The following DDI2 variants were observed in gnomAD, a reference collection of about 807,000 sequenced individuals.
DDI2 encodes DDI proteasomal shuttling factor 2, also known as protein DDI1 homolog 2.
In DDI2, 5 loss-of-function variants were observed where a neutral mutation model predicts 48.1. That is an observed-to-expected ratio of 0.10 (90% confidence interval 0.05 to 0.22). DDI2 has a LOEUF of 0.22. DDI2 is among the 10% of genes least tolerant of loss of function. The pLI, the probability that DDI2 is intolerant of heterozygous loss-of-function variation, is 1.00. For missense variants in DDI2, 285 were observed against 506.2 expected (o/e 0.56, Z 4.19); for synonymous variants, 205 against 183.6 (o/e 1.12, Z -0.94).
At chr1:15,641,076 G>C (rs1400392546) in intron 5 of DDI2, among the ~76,000 whole-genome samples, 1 of 152,198 alleles carries the variant, frequency 6.6e-6, no homozygotes, top group African/African-American at 2.4e-5. Context: ...AGCCAGGATG[G>C]GGTGGGATCT....
chr1:15,639,977 C>T (rs1639981919), intron 5 of DDI2, among the ~76,000 whole-genome samples: 1 of 151,678 alleles, frequency 6.6e-6, no homozygotes, highest in Non-Finnish European at 1.5e-5. Context: ...TGTGATTGTG[C>T]CACTGTGCCC....
chr1:15,617,799 C>G lies in DDI2; in HGVS notation c.129C>G (p.Ala43=), dbSNP rs1356373053. The G allele has an allele frequency of 3.8e-6, 6 of 1,599,768 alleles. No homozygotes were observed. Among genetic ancestry groups the G allele is most frequent in the East Asian group, 2.2e-5 (1 of 44,608 alleles). Residue 43 remains alanine (A), a synonymous_variant, in exon 1 of 10, where the codon GCC becomes GCG. Transcript: ENST00000480945. ...LCELESGIPA[A]ESQIVYAERP... Reference sequence around the variant, plus strand: ...AGCTCGAGTCTGGCATCCCCGCAGCCGAGAGCCAGGTACGCCGGGCAGCGA... The same window carrying G: ...AGCTCGAGTCTGGCATCCCCGCAGCGGAGAGCCAGGTACGCCGGGCAGCGA...
At chr1:15,631,179 A>G (rs1289608777) in intron 3 of DDI2, among the ~76,000 whole-genome samples, 3 of 149,856 alleles carry the variant, frequency 2.0e-5, no homozygotes, top group Non-Finnish European at 4.5e-5. Flanking sequence ...ATCTTCAATT[A>G]AAGAGATCAT....
chr1:15,665,177 A>C lies in DDI2; in HGVS notation c.*5387A>C, dbSNP rs1640434428. ...CTCGGGAGGCTGAGGCAGGAGAATCACTTAAACCTGGGAGGCGGAGGTTGT... is the reference window on the plus strand; with the variant it reads ...CTCGGGAGGCTGAGGCAGGAGAATCCCTTAAACCTGGGAGGCGGAGGTTGT... On this transcript the variant is annotated 3_prime_UTR_variant, in exon 10 of 10. Transcript: ENST00000480945. 1 of 150,696 alleles carries C rather than the reference A, an allele frequency of 6.6e-6. No homozygotes were observed. The highest frequency in any genetic ancestry group is 6.7e-5 in the Admixed American group (1 of 14,990). 9.3% of individuals were successfully genotyped at this position (150,696 alleles called of 1,614,324 possible).
intron 9 of DDI2, among the ~76,000 whole-genome samples, chr1:15,658,332 T>C (rs1640302525): frequency 6.6e-6 from 1 of 151,852 alleles, no homozygotes; most frequent in Admixed American, 6.5e-5. Flanking sequence ...GTATTTTTAG[T>C]AGAGATGAGG....
Position 15,656,610 on chromosome 1 carries a change from C to CTG in DDI2, c.1184-7_1184-6insTG. On this transcript the variant is annotated splice_region_variant and splice_polypyrimidine_tract_variant and intron_variant, in intron 8 of 9. Transcript: ENST00000480945. ...AAGTTTGCTTGTCTGTTTCCTAATTCACACAGAGCGTCAGAAGCCATGATG... is the reference window on the plus strand; with the variant it reads ...AAGTTTGCTTGTCTGTTTCCTAATTCTGACACAGAGCGTCAGAAGCCATGATG... 1 of 1,614,166 alleles carries CTG rather than the reference C, an allele frequency of 6.2e-7. No individual in the cohort carries two copies. Among genetic ancestry groups the CTG allele is most frequent in the Non-Finnish European group, 8.5e-7 (1 of 1,180,006 alleles).
rs1279271292 is a variant in DDI2, at chr1:15,668,718, A to G, written c.*8928A>G. Reference sequence around the variant, plus strand: ...AAAAGAAGAACTAGGCTGACTGGCAAAAAGTCTTGCCAGTGGCCCTGTCAC... The same window carrying G: ...AAAAGAAGAACTAGGCTGACTGGCAGAAAGTCTTGCCAGTGGCCCTGTCAC... On this transcript the variant is annotated 3_prime_UTR_variant, in exon 10 of 10. Coordinates refer to ENST00000480945, the MANE Select transcript of DDI2 (RefSeq NM_032341.5). 1 of 152,220 alleles carries G rather than the reference A, an allele frequency of 6.6e-6. No individual in the cohort carries two copies. The highest frequency in any genetic ancestry group is 1.5e-5 in the Non-Finnish European group (1 of 68,046). 9.4% of individuals were successfully genotyped at this position (152,220 alleles called of 1,614,324 possible).
chr1:15,645,072 T>C (rs1157554079), intron 6 of DDI2, among the ~76,000 whole-genome samples: 1 of 152,154 alleles, frequency 6.6e-6, no homozygotes, highest in African/African-American at 2.4e-5. Context: ...GTATTCTTAG[T>C]AGAGACGAGG....
chr1:15,664,865 C>T lies in DDI2; in HGVS notation c.*5075C>T, dbSNP rs954521386. 6.6e-6 allele frequency: 1 copy of T among 152,194 alleles called. No individual in the cohort carries two copies. Among genetic ancestry groups the T allele is most frequent in the East Asian group, 1.9e-4 (1 of 5,204 alleles). 9.4% of individuals were successfully genotyped at this position (152,194 alleles called of 1,614,324 possible). On this transcript the variant is annotated 3_prime_UTR_variant, in exon 10 of 10. Transcript: ENST00000480945. ...CTTTACATAGGTTATAGATTTTGCT[C>T]ATTGATGCTGTTAAGAATTATTTCC...
chr1:15,654,375 G>C (rs1307227504), intron 8 of DDI2, among the ~76,000 whole-genome samples: 1 of 152,124 alleles, frequency 6.6e-6, no homozygotes, highest in Admixed American at 6.6e-5. Flanking sequence ...GTTTGAGTCA[G>C]GGCGTGGTGG....
At chr1:15,659,647 C>G (rs1640328751) in intron 9 of DDI2, among the ~76,000 whole-genome samples, 190 bp from the exon 10 acceptor site, 1 of 152,172 alleles carries the variant, frequency 6.6e-6, no homozygotes, top group Non-Finnish European at 1.5e-5. Flanking sequence ...ATGTCTACCT[C>G]TTATTCTGAT....
At position 15,661,253 on chromosome 1, in the gene DDI2, A is replaced by C. The variant is rs200264420; in HGVS notation, c.*1463A>C. On this transcript the variant is annotated 3_prime_UTR_variant, in exon 10 of 10. Transcript: ENST00000480945. ...TCAACCGATAAGGAAGGTGTCCCCA[A>C]ATCTAGGGAATCCATAAATAAGAAC... 1.1e-5 allele frequency: 17 copies of C among 1,614,070 alleles called. No individual in the cohort carries two copies. Among genetic ancestry groups the C allele is most frequent in the Admixed American group, 1.7e-5 (1 of 60,004 alleles).
intron 1 of DDI2, among the ~76,000 whole-genome samples, chr1:15,622,967 C>A (rs552809247): frequency 6.6e-6 from 1 of 152,122 alleles, no homozygotes; most frequent in African/African-American, 2.4e-5. Flanking sequence ...AGGAAATTGG[C>A]GCTGAAGCAA....
Position 15,667,479 on chromosome 1 carries a change from C to CA in DDI2, c.*7689_*7690insA, listed in dbSNP as rs1165406491. 6 of 152,196 alleles carry CA rather than the reference C, an allele frequency of 3.9e-5. No homozygotes were observed. Among genetic ancestry groups the CA allele is most frequent in the African/African-American group, 1.4e-4 (6 of 41,432 alleles). 9.4% of individuals were successfully genotyped at this position (152,196 alleles called of 1,614,324 possible). Reference sequence around the variant, plus strand: ...ACATCCCTTTGTGAGCACGGCTGCTCCGGAATACTGACCATCTGGGCTAGC... The same window carrying CA: ...ACATCCCTTTGTGAGCACGGCTGCTCACGGAATACTGACCATCTGGGCTAGC... On this transcript the variant is annotated 3_prime_UTR_variant, in exon 10 of 10. Coordinates refer to ENST00000480945, the MANE Select transcript of DDI2 (RefSeq NM_032341.5).
At chr1:15,643,949 A>G (rs555314132) in intron 6 of DDI2, among the ~76,000 whole-genome samples, 1 of 152,086 alleles carries the variant, frequency 6.6e-6, no homozygotes, top group South Asian at 2.1e-4. Context: ...TTACCTCCAT[A>G]TTTCTAAATA....
rs370908771 is a variant in DDI2 at position 15,647,752 on chromosome 1, A to G, written c.890-1968A>G. Among the ~76,000 whole-genome samples, 37 of 152,162 alleles carry G rather than the reference A, an allele frequency of 2.4e-4. No homozygotes were observed. In the East Asian group the frequency reaches 6.8e-3, roughly 28 times the overall value. ...CAAGGTGGGCAGATTGCTTGAGCTC[A>G]GGAGTTTGAGACCAGCCTGGGGGCC... On this transcript the variant is annotated intron_variant, in intron 6 of 9. Transcript: ENST00000480945.
chr1:15,630,571 T>C lies in DDI2; in HGVS notation c.505+10T>C. The C allele has an allele frequency of 6.3e-7, 1 of 1,598,964 alleles. No individual in the cohort carries two copies. Among genetic ancestry groups the C allele is most frequent in the Non-Finnish European group, 8.6e-7 (1 of 1,166,544 alleles). On this transcript the variant is annotated intron_variant, in intron 3 of 9. Coordinates refer to ENST00000480945, the MANE Select transcript of DDI2 (RefSeq NM_032341.5). ...CTCAGTGGAGACCTTGGTAAGCTTA[T>C]AAATTTGGAAGGCTATTAGGCTGGC...
At chr1:15,650,553 G>T (rs1252088781) in intron 7 of DDI2, among the ~76,000 whole-genome samples, 1 of 152,094 alleles carries the variant, frequency 6.6e-6, no homozygotes, top group Non-Finnish European at 1.5e-5. Context: ...TTTGAAACCA[G>T]TCTGGGTAAC....
intron 1 of DDI2, among the ~76,000 whole-genome samples, chr1:15,626,150 A>G (rs2103462651): frequency 6.6e-6 from 1 of 152,326 alleles, no homozygotes. Flanking sequence ...TAGTTCAACA[A>G]ATATTTGAGC....
Sources: allele counts gnomAD v4.1 joint callset (sites outside exome capture counted in the v4.1 genomes callset), GRCh38; gene constraint gnomAD v4.1.1; transcripts MANE v1.5; gene names NCBI Gene and HGNC (gene_info 2026-07-23, HGNC 2026-07-21).